LURAP1L: variants seen among roughly 807,000 people sequenced by gnomAD.
LURAP1L encodes leucine rich adaptor protein 1-like.
Under a neutral mutation model 13.8 loss-of-function variants are expected in LURAP1L, and 12 were observed. That is an observed-to-expected ratio of 0.87 (90% CI 0.56 to 1.41). The LOEUF (loss-of-function observed/expected upper bound fraction) is 1.41. LURAP1L is among the 40% of genes most tolerant of loss of function. The pLI, the probability that LURAP1L is intolerant of heterozygous loss-of-function variation, is 0.00. For missense variants in LURAP1L, 375 were observed against 292.9 expected (o/e 1.28, Z -2.04); for synonymous variants, 139 against 119.2 (o/e 1.17, Z -1.08).
At chr9:12,784,537 C>CA (rs1819322717) in intron 1 of LURAP1L, among the ~76,000 whole-genome samples, 1 of 152,140 alleles carries the variant, frequency 6.6e-6, no homozygotes, top group African/African-American at 2.4e-5. Context: ...TACTTTACCC[C>CA]AAACAAACAA....
At chr9:12,818,578 G>A (rs918336685) in intron 1 of LURAP1L, among the ~76,000 whole-genome samples, 9 of 152,208 alleles carry the variant, frequency 5.9e-5, no homozygotes, top group African/African-American at 2.2e-4. Context: ...GTTAAGCTAT[G>A]TTAGGAGATA....
intron 1 of LURAP1L, among the ~76,000 whole-genome samples, chr9:12,802,737 A>G (rs1293821732): frequency 6.6e-6 from 1 of 152,072 alleles, no homozygotes; most frequent in Non-Finnish European, 1.5e-5. Context: ...GAGCTTGTCT[A>G]TGGAATGAAC....
At chr9:12,793,458 C>T (rs1819471251) in intron 1 of LURAP1L, among the ~76,000 whole-genome samples, 1 of 152,010 alleles carries the variant, frequency 6.6e-6, no homozygotes, top group Non-Finnish European at 1.5e-5. Context: ...TCCTGCTAGG[C>T]ATTTTTTGGA....
chr9:12,809,906 T>C (rs1208943055), intron 1 of LURAP1L, among the ~76,000 whole-genome samples: 1 of 152,308 alleles, frequency 6.6e-6, no homozygotes, highest in East Asian at 1.9e-4. Flanking sequence ...GCAGTTCTTT[T>C]TGCTGTAATC....
chr9:12,803,842 T>C (rs761889298), intron 1 of LURAP1L, among the ~76,000 whole-genome samples: 19 of 152,204 alleles, frequency 1.2e-4, no homozygotes, highest in Admixed American at 5.9e-4. Context: ...GTCATTGATA[T>C]CCTGTGGTGC....
At chr9:12,820,125 T>C (rs1819853615) in intron 1 of LURAP1L, among the ~76,000 whole-genome samples, 1 of 152,140 alleles carries the variant, frequency 6.6e-6, no homozygotes, top group African/African-American at 2.4e-5. Flanking sequence ...TAGCAAATGT[T>C]TACAGTAAAC....
At chr9:12,817,924 C>A (rs1467276218) in intron 1 of LURAP1L, among the ~76,000 whole-genome samples, 1 of 152,148 alleles carries the variant, frequency 6.6e-6, no homozygotes, top group Admixed American at 6.5e-5. Context: ...GCCTGGAGCT[C>A]CTGGTAATGG....
chr9:12,791,463 T>C (rs1586878546), intron 1 of LURAP1L, among the ~76,000 whole-genome samples: 1 of 152,044 alleles, frequency 6.6e-6, no homozygotes, highest in Admixed American at 6.6e-5. Context: ...GTATTTTTTA[T>C]TTATATCATC....
intron 1 of LURAP1L, among the ~76,000 whole-genome samples, chr9:12,801,186 T>C (rs1053433520): frequency 2.0e-5 from 3 of 152,094 alleles, no homozygotes; most frequent in Admixed American, 6.6e-5. Flanking sequence ...GTAGCAATTA[T>C]ATTGCAATTT....
intron 1 of LURAP1L, among the ~76,000 whole-genome samples, chr9:12,788,117 A>T (rs1410904688): frequency 1.3e-5 from 2 of 149,228 alleles, no homozygotes; most frequent in African/African-American, 2.5e-5. Context: ...AAAGAAAGAA[A>T]GAATGAAGGA....
chr9:12,819,379 T>C (rs576989295), intron 1 of LURAP1L, among the ~76,000 whole-genome samples: 1 of 152,320 alleles, frequency 6.6e-6, no homozygotes, highest in African/African-American at 2.4e-5. Context: ...TTAATGGAAA[T>C]TCCATCTCTC....
At chr9:12,783,433 A>G (rs1819302834) in intron 1 of LURAP1L, among the ~76,000 whole-genome samples, 1 of 152,112 alleles carries the variant, frequency 6.6e-6, no homozygotes, top group Non-Finnish European at 1.5e-5. Context: ...ATTTTATCAA[A>G]TGCTTTTCCA....
intron 1 of LURAP1L, among the ~76,000 whole-genome samples, chr9:12,821,184 G>A (rs1334109518): frequency 2.0e-5 from 3 of 152,160 alleles, no homozygotes; most frequent in Non-Finnish European, 4.4e-5. Context: ...GGAGCCTGAT[G>A]CATCTGGCAG....
intron 1 of LURAP1L, among the ~76,000 whole-genome samples, chr9:12,809,533 C>G (rs1032669984): frequency 1.3e-5 from 2 of 152,200 alleles, no homozygotes; most frequent in Non-Finnish European, 2.9e-5. Context: ...GCACTGTCCA[C>G]TTTTTCCATT....
intron 1 of LURAP1L, among the ~76,000 whole-genome samples, chr9:12,785,668 A>G (rs1041907987): frequency 4.6e-5 from 7 of 152,280 alleles, no homozygotes; most frequent in South Asian, 2.1e-4. Flanking sequence ...GCAAAGTCCC[A>G]TAATCACTGT....
chr9:12,796,075 T>G (rs1459558556), intron 1 of LURAP1L, among the ~76,000 whole-genome samples: 1 of 152,016 alleles, frequency 6.6e-6, no homozygotes, highest in Non-Finnish European at 1.5e-5. Flanking sequence ...TAATCATGAA[T>G]GCTTGTGACC....
rs1338670204 is a variant in LURAP1L at position 12,776,123 on chromosome 9, C to T, written c.312+96C>T. 8 of 1,285,656 alleles carry T rather than the reference C, an allele frequency of 6.2e-6. No homozygotes were observed. The Admixed American group carries it at 1.5e-4, about 24-fold the overall frequency. 79.6% of individuals were successfully genotyped at this position (1,285,656 alleles called of 1,614,324 possible). On this transcript the variant is annotated intron_variant, in intron 1 of 1. Coordinates refer to ENST00000319264, the MANE Select transcript of LURAP1L (RefSeq NM_203403.2). ...GGGCTGGGAGAGAGGACGGCAGGGG[C>T]TGCAGAGCGGAGCGCTGGGCGCGTG... is the stretch of plus-strand genomic sequence containing the variant.
rs1282866038 is a variant in LURAP1L, at chr9:12,775,462, T to A, written c.-254T>A. The stretch of plus-strand genomic sequence containing the variant: ...GTGAGGTGGCCAAAAAGAGAGAGAA[T>A]GAGGAGATCTTGATCATCTTAGTGT... On this transcript the variant is annotated 5_prime_UTR_variant, in exon 1 of 2. It removes an upstream start codon present in the reference 5' UTR. Transcript: ENST00000319264. The A allele has an allele frequency of 6.7e-6, 3 of 448,102 alleles. No individual in the cohort carries two copies. The highest frequency in any genetic ancestry group is 4.1e-5 in the African/African-American group (2 of 48,870). 27.8% of individuals were successfully genotyped at this position (448,102 alleles called of 1,614,324 possible).
At chr9:12,777,322 G>T (rs1452371234) in intron 1 of LURAP1L, 1 of 985,252 alleles carries the variant, frequency 1.0e-6, no homozygotes, top group Non-Finnish European at 1.2e-6. Context: ...AAACCAACAG[G>T]TCAGGGGATG....
Sources: allele counts gnomAD v4.1 joint callset (sites outside exome capture counted in the v4.1 genomes callset), GRCh38; gene constraint gnomAD v4.1.1; transcripts MANE v1.5; gene names NCBI Gene and HGNC (gene_info 2026-07-23, HGNC 2026-07-21).